BCAR3: variants seen among roughly 807,000 people sequenced by gnomAD.
The protein encoded by BCAR3 is breast cancer anti-estrogen resistance protein 3.
A neutral mutation model predicts 80.1 loss-of-function variants in BCAR3; 37 were observed. The observed-to-expected ratio is 0.46, with a 90% CI of 0.36 to 0.61. The LOEUF (loss-of-function observed/expected upper bound fraction) is 0.61, where lower values mean the gene tolerates loss of function less well. BCAR3 is among the 20% of genes least tolerant of loss of function. The pLI is 0.00. For missense variants in BCAR3, 978 were observed against 1,068.2 expected (o/e 0.92, Z 1.18); for synonymous variants, 389 against 418.9 (o/e 0.93, Z 0.87).
At chr1:93,607,078 A>AAT (rs1674792383) in intron 3 of BCAR3, among the ~76,000 whole-genome samples, 1 of 152,182 alleles carries the variant, frequency 6.6e-6, no homozygotes, top group Non-Finnish European at 1.5e-5. Context: ...GGGACATAAT[A>AAT]GACACTGGGG....
chr1:93,678,392 A>G (rs891769862), intron 1 of BCAR3, among the ~76,000 whole-genome samples: 3 of 152,184 alleles, frequency 2.0e-5, no homozygotes, highest in Non-Finnish European at 4.4e-5. Flanking sequence ...GGTGTTGGGG[A>G]CAGCATTAAA....
chr1:93,652,074 C>T (rs1026828764), intron 2 of BCAR3, among the ~76,000 whole-genome samples: 4 of 152,196 alleles, frequency 2.6e-5, no homozygotes, highest in Admixed American at 6.5e-5. Flanking sequence ...TCATCTAAAA[C>T]GCCTTGAGAG....
At chr1:93,734,882 T>C (rs1441149285) in intron 2 of BCAR3, among the ~76,000 whole-genome samples, 7 of 152,196 alleles carry the variant, frequency 4.6e-5, no homozygotes, top group Admixed American at 4.6e-4. Context: ...TCAGTTATCA[T>C]ACTAAATGTT....
chr1:93,786,192 C>CAAAAAAAAAAAAAA lies in BCAR3; in HGVS notation c.-63+59361_-63+59374dup, dbSNP rs61644309. Among the ~76,000 whole-genome samples the CAAAAAAAAAAAAAA allele has an allele frequency of 6.5e-3, 151 of 23,242 alleles. 28 individuals carry two copies. Among genetic ancestry groups the CAAAAAAAAAAAAAA allele is most frequent in the African/African-American group, 0.01 (51 of 5,082 alleles). The allele number at this position is 23,242 out of a possible 152,430, so 15.2% of individuals were successfully genotyped here. A position where few individuals can be genotyped will look rare whatever the true frequency, so the allele number is the denominator to read the frequency against. On this transcript the variant is annotated intron_variant, in intron 2 of 13. Coordinates refer to the BCAR3 transcript ENST00000370244. ...TGGGCGTCAGAGCGAGACTCCGTCT[C>CAAAAAAAAAAAAAA]AAAAAAAAAAAAAAAAAAAAAAAAA...
In BCAR3 at chr1:93,584,046, G is replaced by A; in HGVS notation, c.1005C>T (p.Ala335=). 1 of 1,614,082 alleles carries A rather than the reference G, an allele frequency of 6.2e-7. No individual in the cohort carries two copies. Among genetic ancestry groups the A allele is most frequent in the Non-Finnish European group, 8.5e-7 (1 of 1,180,010 alleles). ...TCGGCAGGTAGCTCTCTGACTGGTG[G>A]GCTTTGAGGGACAAGGCTCTTCTGT... ...MQDRRALSLK[A]HQSESYLPIG... Residue 335 remains alanine, a synonymous_variant, in exon 6 of 12, where the codon GCC becomes GCT. Transcript: ENST00000260502.
intron 2 of BCAR3, among the ~76,000 whole-genome samples, chr1:93,737,073 G>A (rs981736605): frequency 3.3e-5 from 5 of 152,204 alleles, no homozygotes; most frequent in African/African-American, 9.7e-5. Context: ...ACTGCTAGAA[G>A]CCATTTAGAT....
chr1:93,655,117 C>G (rs556050112), intron 2 of BCAR3, among the ~76,000 whole-genome samples: 23 of 152,258 alleles, frequency 1.5e-4, no homozygotes, highest in African/African-American at 5.1e-4. Context: ...CAGTAAGGGG[C>G]TGGGAGCTGA....
intron 2 of BCAR3, among the ~76,000 whole-genome samples, chr1:93,642,612 G>A (rs4546930): frequency 2.6e-5 from 4 of 152,220 alleles, no homozygotes; most frequent in African/African-American, 7.2e-5. Context: ...CTTGAGCATA[G>A]AAAGTGAAAG....
At chr1:93,834,249 C>T (rs1383877320) in intron 2 of BCAR3, among the ~76,000 whole-genome samples, 2 of 152,174 alleles carry the variant, frequency 1.3e-5, no homozygotes, top group Non-Finnish European at 2.9e-5. Flanking sequence ...TGTCCAAAAA[C>T]CAGACAAGTC....
intron 2 of BCAR3, 39 bp from the exon 3 acceptor site, chr1:93,642,382 C>T (rs374647568): frequency 1.6e-4 from 245 of 1,566,450 alleles, no homozygotes; most frequent in Non-Finnish European, 1.8e-4. Context: ...TGGTTGGGAA[C>T]GATGCATTCT....
intron 2 of BCAR3, among the ~76,000 whole-genome samples, chr1:93,770,334 G>A (rs992222555): frequency 7.2e-5 from 11 of 152,136 alleles, no homozygotes; most frequent in Non-Finnish European, 1.5e-4. Flanking sequence ...AGGCCACCAG[G>A]AGACAGTGAA....
At chr1:93,576,474 G>A (rs1002730184) in intron 7 of BCAR3, among the ~76,000 whole-genome samples, 1 of 152,218 alleles carries the variant, frequency 6.6e-6, no homozygotes, top group African/African-American at 2.4e-5. Context: ...ACGTTTTGCT[G>A]CCAACAGCAA....
At chr1:93,843,936 A>G (rs943763455) in intron 2 of BCAR3, among the ~76,000 whole-genome samples, 4 of 152,236 alleles carry the variant, frequency 2.6e-5, no homozygotes, top group African/African-American at 9.7e-5. Context: ...GGAGTAAAGC[A>G]AAGCTAGTGC....
At chr1:93,809,164 TGAG>T (rs1057247663) in intron 2 of BCAR3, among the ~76,000 whole-genome samples, 17 of 152,114 alleles carry the variant, frequency 1.1e-4, no homozygotes, top group African/African-American at 3.9e-4. Context: ...TCTTTGAAGT[TGAG>T]GAGGAGATGG....
chr1:93,644,188 C>A (rs1676081815), intron 2 of BCAR3, among the ~76,000 whole-genome samples: 1 of 152,188 alleles, frequency 6.6e-6, no homozygotes. Context: ...AGTAACATAG[C>A]TAAATCTTTT....
intron 2 of BCAR3, among the ~76,000 whole-genome samples, chr1:93,764,221 C>T (rs941795828): frequency 6.6e-5 from 10 of 151,966 alleles, no homozygotes; most frequent in East Asian, 1.9e-4. Context: ...TGTGTGTCTG[C>T]GCTTCTCAAT....
chr1:93,627,756 G>C (rs1675494966), intron 3 of BCAR3, among the ~76,000 whole-genome samples: 1 of 152,060 alleles, frequency 6.6e-6, no homozygotes, highest in South Asian at 2.1e-4. Context: ...AGTATCAATA[G>C]CTAGAAGTCA....
chr1:93,618,923 GGTTTTTTTTTTTTTT>G (rs941459332), intron 3 of BCAR3, among the ~76,000 whole-genome samples: 6 of 140,956 alleles, frequency 4.3e-5, no homozygotes, highest in Non-Finnish European at 7.4e-5. Context: ...TGAAGCCGTG[GGTTTTTTTTTTTTTT>G]GTTTTTTTTT....
intron 2 of BCAR3, among the ~76,000 whole-genome samples, chr1:93,757,025 G>A (rs1557677885): frequency 6.6e-6 from 1 of 152,222 alleles, no homozygotes; most frequent in African/African-American, 2.4e-5. Flanking sequence ...GGACCTGCAG[G>A]CATGTCCCCT....
Sources: allele counts gnomAD v4.1 joint callset (sites outside exome capture counted in the v4.1 genomes callset), GRCh38; gene constraint gnomAD v4.1.1; transcripts MANE v1.5; gene names NCBI Gene and HGNC (gene_info 2026-07-23, HGNC 2026-07-21).